The following CAST variants were observed in gnomAD, a reference collection of about 807,000 sequenced individuals.
CAST encodes the protein calpastatin, also known as MIR583 host.
In CAST, 76 loss-of-function variants were observed where a neutral mutation model predicts 119.6. The observed-to-expected ratio is 0.64, with a 90% confidence interval of 0.53 to 0.77. The LOEUF is 0.77. CAST is among the 30% of genes least tolerant of loss of function. The probability of loss-of-function intolerance (pLI) is 0.00; values close to 1 mark genes in which losing one functional copy is unlikely to be tolerated. For synonymous variants in CAST, 319 were observed against 331.6 expected (o/e 0.96, Z 0.41); for missense variants, 953 against 946.5 (o/e 1.01, Z -0.09).
chr5:96,391,268 C>G, the CAST span: 3 of 152,176 alleles, frequency 2.0e-5, no homozygotes, highest in Non-Finnish European at 4.4e-5. Context: ...TGTTACCAAC[C>G]ATACTTCAAG....
chr5:96,651,163 CTCAA>C (rs10549816), intron 1 of CAST, among the ~76,000 whole-genome samples: 2,628 of 152,250 alleles, frequency 0.017, 69 homozygotes, highest in African/African-American at 0.06. Context: ...TCTCAATTAT[CTCAA>C]TCAGACAAAA....
At chr5:96,359,639 T>G in the CAST span, among the ~76,000 whole-genome samples, 1 of 152,238 alleles carries the variant, frequency 6.6e-6, no homozygotes, top group Non-Finnish European at 1.5e-5. Flanking sequence ...ATTCTTTTCT[T>G]TAAGAATGTT....
chr5:96,294,778 A>G, the CAST span, among the ~76,000 whole-genome samples: 7 of 152,192 alleles, frequency 4.6e-5, no homozygotes, highest in Non-Finnish European at 8.8e-5. Context: ...TCTACTTCAC[A>G]TGGTAGAGGA....
the CAST span, among the ~76,000 whole-genome samples, chr5:96,186,435 G>T: frequency 2.8e-4 from 42 of 152,104 alleles, no homozygotes; most frequent in Non-Finnish European, 5.7e-4. Context: ...CAGTTTTCAA[G>T]GGGAATGCTT....
At chr5:96,736,994 G>C (rs185062673) in intron 10 of CAST, among the ~76,000 whole-genome samples, 1 of 152,294 alleles carries the variant, frequency 6.6e-6, no homozygotes, top group Non-Finnish European at 1.5e-5. Flanking sequence ...AAGGCAGCAG[G>C]AGAGAGAGCA....
rs73138663 is a variant in CAST at position 96,749,898 on chromosome 5, T to C, written c.1429-689T>C. Among the ~76,000 whole-genome samples, 954 of 152,330 alleles carry C rather than the reference T, an allele frequency of 6.3e-3. 10 individuals carry two copies. Among genetic ancestry groups the C allele is most frequent in the African/African-American group, 0.022 (902 of 41,576 alleles). ...AGATGGGACAGTGGTTCTCAAACTT[T>C]AGCATGCATCAGGATCATCTGGAGA... On this transcript the variant is annotated intron_variant, in intron 19 of 31. Coordinates refer to ENST00000675179, the MANE Select transcript of CAST (RefSeq NM_001750.7).
At chr5:96,673,086 TACACCTCCTG>T (rs1359081727) in intron 1 of CAST, among the ~76,000 whole-genome samples, 1 of 152,150 alleles carries the variant, frequency 6.6e-6, no homozygotes, top group Non-Finnish European at 1.5e-5. Flanking sequence ...ATGGAATAAT[TACACCTCCTG>T]ACAAGTAAAT....
chr5:96,508,936 C>T, the CAST span, among the ~76,000 whole-genome samples: 1 of 152,116 alleles, frequency 6.6e-6, no homozygotes, highest in African/African-American at 2.4e-5. Flanking sequence ...CACTTCCTTG[C>T]TTGTAAAGAG....
At chr5:96,334,086 G>A in the CAST span, among the ~76,000 whole-genome samples, 1 of 152,132 alleles carries the variant, frequency 6.6e-6, no homozygotes, top group Non-Finnish European at 1.5e-5. Context: ...TTGTATTAGG[G>A]CTGAAGTTTC....
intron 1 of CAST, among the ~76,000 whole-genome samples, chr5:96,625,950 G>A (rs2150200614): frequency 6.6e-6 from 1 of 152,252 alleles, no homozygotes; most frequent in Middle Eastern, 3.4e-3. Flanking sequence ...GTCCAGAACT[G>A]CCTGCAGTCT....
intron 1 of CAST, among the ~76,000 whole-genome samples, chr5:96,616,081 G>A (rs941195959): frequency 8.2e-6 from 1 of 121,244 alleles, no homozygotes; most frequent in Non-Finnish European, 1.7e-5. Flanking sequence ...TGATTAGATG[G>A]TGTTCGTGTT....
chr5:96,110,922 T>C, the CAST span: 2 of 152,218 alleles, frequency 1.3e-5, no homozygotes, highest in Non-Finnish European at 2.9e-5. Flanking sequence ...ACCAAGTATA[T>C]GGATTTTCTA....
At chr5:96,770,275 G>A in intron 29 of CAST, 1 of 455,910 alleles carries the variant, frequency 2.2e-6, no homozygotes. Flanking sequence ...TAAGGTCTGG[G>A]TGAGTCAGGC....
chr5:96,447,352 TA>T, the CAST span, among the ~76,000 whole-genome samples: 1 of 152,160 alleles, frequency 6.6e-6, no homozygotes, highest in African/African-American at 2.4e-5. Context: ...GTCATGGGCA[TA>T]AGGACCAATT....
chr5:95,972,937 G>A, the CAST span: 5 of 152,272 alleles, frequency 3.3e-5, no homozygotes, highest in East Asian at 9.6e-4. Flanking sequence ...AATTAAACCA[G>A]CACTTTAAAT....
At chr5:96,155,893 C>G in the CAST span, among the ~76,000 whole-genome samples, 1 of 152,212 alleles carries the variant, frequency 6.6e-6, no homozygotes, top group Non-Finnish European at 1.5e-5. Context: ...GCAGCCAGGT[C>G]TTGTGCCAGG....
At chr5:96,520,365 T>C (rs199508210), upstream of CAST, among the ~76,000 whole-genome samples, 6 of 152,386 alleles carry the variant, frequency 3.9e-5, no homozygotes, top group East Asian at 1.2e-3. Context: ...CCTCTGCTCC[T>C]TTCTTCAGTT....
the CAST span, among the ~76,000 whole-genome samples, chr5:96,496,611 T>C: frequency 6.6e-6 from 1 of 152,186 alleles, no homozygotes; most frequent in Non-Finnish European, 1.5e-5. Context: ...ATAAGACAAA[T>C]GCTGTCCAAG....
At chr5:96,420,155 G>T in the CAST span, among the ~76,000 whole-genome samples, 1 of 152,180 alleles carries the variant, frequency 6.6e-6, no homozygotes, top group Non-Finnish European at 1.5e-5. Context: ...ATTTCCTCAG[G>T]AAGTTCATTT....
Sources: gnomAD v4.1 joint callset for allele counts (sites outside exome capture counted in the v4.1 genomes callset) on GRCh38, gnomAD v4.1.1 for gene constraint, MANE v1.5 for transcripts, NCBI Gene and HGNC (gene_info 2026-07-23, HGNC 2026-07-21) for gene names.